METTL15: variants seen among roughly 807,000 people sequenced by gnomAD.
METTL15 encodes 12S rRNA N(4)-cytidine methyltransferase METTL15.
Under a neutral mutation model 38.3 loss-of-function variants are expected in METTL15, and 34 were observed. That is an observed-to-expected ratio of 0.89 (90% CI 0.68 to 1.18). The LOEUF is 1.18. METTL15 is among the 50% of genes most tolerant of loss of function. The probability of loss-of-function intolerance (pLI) is 0.00; values close to 1 mark genes in which losing one functional copy is unlikely to be tolerated. For synonymous variants in METTL15, 162 were observed against 170.9 expected (o/e 0.95, Z 0.41); for missense variants, 438 against 498.4 (o/e 0.88, Z 1.15).
chr11:28,140,323 A>G (rs1479149835), intron 3 of METTL15, among the ~76,000 whole-genome samples: 2 of 152,210 alleles, frequency 1.3e-5, no homozygotes, highest in African/African-American at 4.8e-5. Flanking sequence ...AAAATACTGT[A>G]GAAAAGACTG....
In METTL15 at chr11:28,407,212, C is replaced by T. The variant is rs1850681612; in HGVS notation, c.*359-17087C>T. On this transcript the variant is annotated intron_variant and NMD_transcript_variant, in intron 5 of 7. Coordinates refer to the METTL15 transcript ENST00000532947. ...AAAGTAAAACCCAAAACTGTAAAAA[C>T]CCTGGAAGAAAATCTAGGCAATACC... Among the ~76,000 whole-genome samples the T allele has an allele frequency of 2.6e-5, 4 of 152,176 alleles. No homozygotes were observed. In the South Asian group the frequency reaches 8.3e-4, roughly 32 times the overall value.
At chr11:28,525,006 G>C (rs950400839) in intron 6 of METTL15, among the ~76,000 whole-genome samples, 1 of 152,096 alleles carries the variant, frequency 6.6e-6, no homozygotes, top group African/African-American at 2.4e-5. Flanking sequence ...TTCGCGGTGA[G>C]TGTTACAGTT....
intron 3 of METTL15, chr11:28,124,028 T>A: frequency 2.0e-6 from 1 of 490,486 alleles, no homozygotes; most frequent in Non-Finnish European, 3.3e-6. Flanking sequence ...TGCTTTTCAT[T>A]AATACTAATT....
rs139787496 is a variant in METTL15 at position 28,277,866 on chromosome 11, G to C, written c.408-12340G>C. 2.6e-5 allele frequency among the ~76,000 whole-genome samples: 4 copies of C among 152,230 alleles called. No homozygotes were observed. The East Asian group carries it at 7.7e-4, about 29-fold the overall frequency. On this transcript the variant is annotated intron_variant, in intron 4 of 6. Transcript: ENST00000407364. ...AACATTTTGATCATATGGAGGTTGA[G>C]TGGAAAGATAACAGAGACTAGGAAA...
chr11:28,390,403 G>C (rs1850490626), intron 5 of METTL15, among the ~76,000 whole-genome samples: 1 of 151,844 alleles, frequency 6.6e-6, no homozygotes, highest in Non-Finnish European at 1.5e-5. Flanking sequence ...ATTAATTTTT[G>C]TATAAGGTGT....
At chr11:28,495,364 A>G (rs1164508196) in intron 6 of METTL15, among the ~76,000 whole-genome samples, 1 of 152,148 alleles carries the variant, frequency 6.6e-6, no homozygotes, top group Non-Finnish European at 1.5e-5. Flanking sequence ...GAGGATGACA[A>G]AAAGGGAAAA....
At chr11:28,117,640 G>T (rs1204842446) in intron 3 of METTL15, among the ~76,000 whole-genome samples, 1 of 151,968 alleles carries the variant, frequency 6.6e-6, no homozygotes, top group Non-Finnish European at 1.5e-5. Context: ...ATTTGAGTTG[G>T]GTTTTCCAGT....
At chr11:28,158,657 A>T (rs919744263) in intron 3 of METTL15, among the ~76,000 whole-genome samples, 1 of 152,174 alleles carries the variant, frequency 6.6e-6, no homozygotes, top group Non-Finnish European at 1.5e-5. Context: ...CCATCCATGG[A>T]CTTACAGAAT....
At chr11:28,335,112 T>C (rs1368333697), downstream of METTL15, among the ~76,000 whole-genome samples, 1 of 152,190 alleles carries the variant, frequency 6.6e-6, no homozygotes, top group Non-Finnish European at 1.5e-5. Flanking sequence ...TAATTATTTC[T>C]GTTCGTTAAA....
chr11:28,285,473 C>T (rs1418366382), intron 4 of METTL15, among the ~76,000 whole-genome samples: 1 of 151,876 alleles, frequency 6.6e-6, no homozygotes, highest in East Asian at 1.9e-4. Flanking sequence ...AGATTGGACA[C>T]CCCTGCTTTG....
intron 3 of METTL15, among the ~76,000 whole-genome samples, chr11:28,143,237 T>A (rs1405121115): frequency 6.6e-6 from 1 of 152,050 alleles, no homozygotes; most frequent in Non-Finnish European, 1.5e-5. Flanking sequence ...TTTACCAGAT[T>A]TAATTCTTAT....
At chr11:28,174,088 C>T (rs1020608698) in intron 3 of METTL15, among the ~76,000 whole-genome samples, 23 of 152,178 alleles carry the variant, frequency 1.5e-4, no homozygotes, top group African/African-American at 5.3e-4. Context: ...TCACTAAGCA[C>T]AGTGCATACT....
chr11:28,152,501 GA>G (rs1189253135), intron 3 of METTL15, among the ~76,000 whole-genome samples: 1 of 151,750 alleles, frequency 6.6e-6, no homozygotes, highest in Non-Finnish European at 1.5e-5. Flanking sequence ...GAGAAAAAGG[GA>G]AAAAATGTTA....
chr11:28,109,595 C>G (rs1185218966), intron 1 of METTL15, among the ~76,000 whole-genome samples: 2 of 152,206 alleles, frequency 1.3e-5, no homozygotes, highest in Admixed American at 6.5e-5. Context: ...CTCTGAAATA[C>G]TTTCTGGATT....
intron 6 of METTL15, among the ~76,000 whole-genome samples, chr11:28,431,518 C>G (rs1850927689): frequency 1.3e-5 from 1 of 76,452 alleles, no homozygotes; most frequent in African/African-American, 4.6e-5. Context: ...GCTGTGTCCA[C>G]TCAGGGTTAA....
chr11:28,235,119 T>A (rs1421515663), intron 4 of METTL15, among the ~76,000 whole-genome samples: 1 of 152,144 alleles, frequency 6.6e-6, no homozygotes, highest in Admixed American at 6.6e-5. Flanking sequence ...TAGTTGTAGA[T>A]ATGAGGCGTT....
At chr11:28,487,536 G>T (rs1231175347) in intron 6 of METTL15, among the ~76,000 whole-genome samples, 1 of 151,934 alleles carries the variant, frequency 6.6e-6, no homozygotes, top group Non-Finnish European at 1.5e-5. Flanking sequence ...TGGTATAAAG[G>T]CATATGATCA....
At chr11:28,137,930 T>A (rs1280164017) in intron 3 of METTL15, among the ~76,000 whole-genome samples, 1 of 152,134 alleles carries the variant, frequency 6.6e-6, no homozygotes, top group Non-Finnish European at 1.5e-5. Context: ...CCAGTAATTG[T>A]AAGATTCTTC....
At chr11:28,306,570 C>T (rs1857089119) in intron 6 of METTL15, among the ~76,000 whole-genome samples, 1 of 152,012 alleles carries the variant, frequency 6.6e-6, no homozygotes, top group South Asian at 2.1e-4. Context: ...CTCTTTACTT[C>T]ACCCAAAAAT....
Sources: gnomAD v4.1 joint callset for allele counts (sites outside exome capture counted in the v4.1 genomes callset) on GRCh38, gnomAD v4.1.1 for gene constraint, MANE v1.5 for transcripts, NCBI Gene and HGNC (gene_info 2026-07-23, HGNC 2026-07-21) for gene names.